Variants in KLF10 observed in about 807,000 individuals in gnomAD.
KLF10 encodes the protein KLF transcription factor 10, also known as Krueppel-like factor 10.
A neutral mutation model predicts 31.6 loss-of-function variants in KLF10; 17 were observed. That is an observed-to-expected ratio of 0.54 (90% confidence interval 0.37 to 0.81). KLF10 has a LOEUF of 0.81. KLF10 is among the 30% of genes least tolerant of loss of function. The pLI is 0.00. For missense variants in KLF10, 525 were observed against 598.1 expected, an observed-to-expected ratio of 0.88 and a Z score of 1.27; for synonymous variants, 239 against 215.1, an observed-to-expected ratio of 1.11 and a Z score of -0.97.
In KLF10 at chr8:102,651,471, T is replaced by C. The variant is rs749003074; in HGVS notation, c.861A>G (p.Thr287=). Reference sequence around the variant, plus strand: ...TGGGAGGAGTGCTGGGAACGACTGTTGTCACAACAGGGTTGTTGGCAGGAA... The same window carrying C: ...TGGGAGGAGTGCTGGGAACGACTGTCGTCACAACAGGGTTGTTGGCAGGAA... ...VPLPANNPVV[T]TVVPSTPPSQ... The change falls in exon 3 of 4, where the codon ACA becomes ACG. Residue 287 remains threonine, a synonymous_variant. Coordinates refer to ENST00000285407, the MANE Select transcript of KLF10 (RefSeq NM_005655.4). 1.4e-4 allele frequency: 219 copies of C among 1,613,804 alleles called. No individual in the cohort carries two copies. Among genetic ancestry groups the C allele is most frequent in the Admixed American group, 4.7e-4 (28 of 59,990 alleles).
chr8:102,655,143 C>A (rs931051378), intron 1 of KLF10, among the ~76,000 whole-genome samples: 2 of 152,244 alleles, frequency 1.3e-5, no homozygotes, highest in East Asian at 1.9e-4. Flanking sequence ...CCAGACCGGG[C>A]ATCTCTCCTC....
Position 102,651,585 on chromosome 8 carries a change from G to C in KLF10, c.747C>G (p.Ser249=), listed in dbSNP as rs1292078697. The C allele has an allele frequency of 2.5e-6, 4 of 1,614,168 alleles. No homozygotes were observed. The East Asian group carries it at 6.7e-5, about 27-fold the overall frequency. ...VICRSQPAPV[S]PQQKSVLVSP... ...AGACCAACACTGACTTCTGTTGTGG[G>C]GACACAGGGGCTGGCTGAGACCTGC... Residue 249 remains serine (S), a synonymous_variant, in exon 3 of 4, where the codon TCC becomes TCG. Transcript: ENST00000285407.
chr8:102,652,358 T>C lies in KLF10; in HGVS notation c.76A>G (p.Ser26Gly). ...GCAGTTTTGTTCCAGGAATACATAC[T>C]CTCTTTTGGCCTTTCAGAAATCATT... ...MEMISERPKE[S>G]MYSWNKTAEK... The change falls in exon 2 of 4, where the codon AGT becomes GGT. Residue 26 changes from serine to glycine, a missense_variant. Physicochemically the swap from Ser to Gly is moderately conservative, Grantham distance 56. This residue lies in a region of KLF10 where 434 missense variants were observed against 450.7 expected (regional missense o/e 0.96). Coordinates refer to ENST00000285407, the MANE Select transcript of KLF10 (RefSeq NM_005655.4). 6.2e-7 allele frequency: 1 copy of C among 1,609,906 alleles called. No individual in the cohort carries two copies.
intron 2 of KLF10, 44 bp downstream of exon 2, chr8:102,652,119 AG>A: frequency 6.8e-7 from 1 of 1,479,876 alleles, no homozygotes. Context: ...ATAAATTTTA[AG>A]AAATTATATA....
rs1827217954 is a variant in KLF10, at chr8:102,651,739, T to C, written c.593A>G (p.Lys198Arg). 2 of 1,614,248 alleles carry C rather than the reference T, an allele frequency of 1.2e-6. No individual in the cohort carries two copies. Among genetic ancestry groups the C allele is most frequent in the Non-Finnish European group, 1.7e-6 (2 of 1,180,040 alleles). Reference protein sequence around the residue: ...RTHLNVEAARKNIPCAAVSPN... With the variant: ...RTHLNVEAARRNIPCAAVSPN... ...TGACACAGCGGCACATGGTATGTTC[T>C]TTCTTGCAGCCTCAACATTTAGGTG... Residue 198 changes from lysine to arginine, a missense_variant, in exon 3 of 4, where the codon AAG becomes AGG. By Grantham distance (26) the Lys-to-Arg change is conservative. Transcript: ENST00000285407.
At chr8:102,653,897 G>C (rs1827286557) in intron 1 of KLF10, 4 of 977,238 alleles carry the variant, frequency 4.1e-6, no homozygotes, top group East Asian at 1.1e-4. Context: ...CAGACGAGGG[G>C]CGGGGGCGGA....
chr8:102,655,701 C>T lies in KLF10; in HGVS notation c.-100G>A. Reference sequence around the variant, plus strand: ...CGGAGACACTCGACGCCGCTCCCGCCGCCGCCGCGCTCAGCGCCGTCTGCC... The same window carrying T: ...CGGAGACACTCGACGCCGCTCCCGCTGCCGCCGCGCTCAGCGCCGTCTGCC... On this transcript the variant is annotated 5_prime_UTR_variant, in exon 1 of 4. Transcript: ENST00000285407. The T allele has an allele frequency of 1.2e-5, 17 of 1,380,862 alleles. No homozygotes were observed. The highest frequency in any genetic ancestry group is 1.6e-5 in the Non-Finnish European group (16 of 989,020). 85.5% of individuals were successfully genotyped at this position (1,380,862 alleles called of 1,614,324 possible). A position where few individuals can be genotyped will look rare whatever the true frequency, so the allele number is the denominator to read the frequency against.
chr8:102,655,313 C>T (rs1827338097), intron 1 of KLF10, among the ~76,000 whole-genome samples: 1 of 152,080 alleles, frequency 6.6e-6, no homozygotes, highest in Non-Finnish European at 1.5e-5. Flanking sequence ...TTGTCCCTTC[C>T]CCTCAGTACA....
At position 102,653,403 on chromosome 8, in the gene KLF10, G is replaced by A. The variant is rs368521802; in HGVS notation, c.37-1006C>T. 1,213 of 1,342,508 alleles carry A rather than the reference G, an allele frequency of 9.0e-4. 17 individuals are homozygous for A. The highest frequency in any genetic ancestry group is 1.5e-4 in the Non-Finnish European group (152 of 997,014). The allele number at this position is 1,342,508 out of a possible 1,614,324, so 83.2% of individuals were successfully genotyped here. A position where few individuals can be genotyped will look rare whatever the true frequency, so the allele number is the denominator to read the frequency against. ...AACAGCACAGGTTTTGCACTTATTTGTAGAACTACCTAATGTTTTATAGTA... is the reference window on the plus strand; with the variant it reads ...AACAGCACAGGTTTTGCACTTATTTATAGAACTACCTAATGTTTTATAGTA... On this transcript the variant is annotated intron_variant, in intron 1 of 3. Coordinates refer to ENST00000285407, the MANE Select transcript of KLF10 (RefSeq NM_005655.4).
intron 1 of KLF10, among the ~76,000 whole-genome samples, chr8:102,653,194 G>A (rs1313169264): frequency 2.0e-5 from 3 of 152,026 alleles, no homozygotes; most frequent in African/African-American, 4.8e-5. Context: ...CCCTTTTACT[G>A]AATCTATTTG....
chr8:102,654,296 G>C (rs1005323576), intron 1 of KLF10: 3 of 146,820 alleles, frequency 2.0e-5, no homozygotes, highest in African/African-American at 7.3e-5. Context: ...CCCGCGGGGA[G>C]GGGCGGGGCT....
Position 102,655,641 on chromosome 8 carries a change from C to G in KLF10, c.-40G>C. 1.2e-6 allele frequency: 2 copies of G among 1,611,808 alleles called. No homozygotes were observed. Among genetic ancestry groups the G allele is most frequent in the Non-Finnish European group, 1.7e-6 (2 of 1,178,876 alleles). On this transcript the variant is annotated 5_prime_UTR_variant, in exon 1 of 4. Transcript: ENST00000285407. ...CCGCCGGCGGCAAGCTGACTGGCTGCTAGGCTGCTGGCTGCTTGGCCACAG... is the reference window on the plus strand; with the variant it reads ...CCGCCGGCGGCAAGCTGACTGGCTGGTAGGCTGCTGGCTGCTTGGCCACAG...
In KLF10 at chr8:102,651,342, C is replaced by A; in HGVS notation, c.990G>T (p.Lys330Asn). The change falls in exon 3 of 4, where the codon AAG becomes AAT. Residue 330 changes from lysine (K) to asparagine (N), a missense_variant. Physicochemically the swap from Lys to Asn is moderately conservative, Grantham distance 94. Coordinates refer to ENST00000285407, the MANE Select transcript of KLF10 (RefSeq NM_005655.4). ...TGCCATTCGGGCTCACCACCGGAGG[C>A]TTTGAACTCTGCACAACGGGCTGGG... ...VVPQPVVQSS[K>N]PPVVSPNGTR... The A allele has an allele frequency of 6.3e-7, 1 of 1,597,478 alleles. No individual in the cohort carries two copies. The highest frequency in any genetic ancestry group is 8.5e-7 in the Non-Finnish European group (1 of 1,171,036).
In KLF10 at chr8:102,655,590, G is replaced by T. The variant is rs767374360; in HGVS notation, c.12C>A (p.Phe4Leu). The stretch of plus-strand genomic sequence containing the variant: ...CCGCAGTCTGCTGGAGAGAGGCACC[G>T]AAGTTGAGCATGGTTGGCTGCTTGG... The part of the protein sequence containing the change: MLN[F>L]GASLQQTAEE... The change falls in exon 1 of 4, where the codon TTC (phenylalanine) becomes TTA (leucine). Residue 4 changes from phenylalanine (F) to leucine (L), a missense_variant. Phe to Leu is a conservative substitution (Grantham distance 22). Coordinates refer to ENST00000285407, the MANE Select transcript of KLF10 (RefSeq NM_005655.4). 1 of 1,614,184 alleles carries T rather than the reference G, an allele frequency of 6.2e-7. No homozygotes were observed. The highest frequency in any genetic ancestry group is 8.5e-7 in the Non-Finnish European group (1 of 1,180,012).
At chr8:102,653,541 A>G (rs992422593) in intron 1 of KLF10, 34 of 1,492,306 alleles carry the variant, frequency 2.3e-5, no homozygotes, top group Middle Eastern at 1.7e-4. Context: ...GTGTAAAAAT[A>G]CCAAAAAACA....
Position 102,649,453 on chromosome 8 carries a change from A to C in KLF10, c.*679T>G, listed in dbSNP as rs1827154547. 6.6e-6 allele frequency: 1 copy of C among 152,332 alleles called. No homozygotes were observed. Among genetic ancestry groups the C allele is most frequent in the East Asian group, 1.9e-4 (1 of 5,204 alleles). 9.4% of individuals were successfully genotyped at this position (152,332 alleles called of 1,614,324 possible). On this transcript the variant is annotated 3_prime_UTR_variant, in exon 4 of 4. Coordinates refer to ENST00000285407, the MANE Select transcript of KLF10 (RefSeq NM_005655.4). ...GATACAGTCATTTGTTAAACTTTCA[A>C]AACAAAAATGCAAAAACAAATTGTA...
chr8:102,652,289 T>G lies in KLF10; in HGVS notation c.145A>C (p.Ser49Arg). 1 of 1,613,464 alleles carries G rather than the reference T, an allele frequency of 6.2e-7. No individual in the cohort carries two copies. Among genetic ancestry groups the G allele is most frequent in the Admixed American group, 1.7e-5 (1 of 60,004 alleles). The change falls in exon 2 of 4, where the codon AGC becomes CGC. Residue 49 changes from serine to arginine, a missense_variant. Coordinates refer to ENST00000285407, the MANE Select transcript of KLF10 (RefSeq NM_005655.4). ...TTAAAATCAGACTTCCAACTGCAGC[T>G]CATTGACATAAGTGCTTCTACAGCT... The part of the protein sequence containing the change: ...FEAVEALMSM[S>R]CSWKSDFKKY...
At chr8:102,655,297 G>A (rs1169835940) in intron 1 of KLF10, among the ~76,000 whole-genome samples, 1 of 151,448 alleles carries the variant, frequency 6.6e-6, no homozygotes, top group Non-Finnish European at 1.5e-5. Context: ...GGGTCTCCAT[G>A]CGGAGTTGTC....
chr8:102,651,719 C>A lies in KLF10; in HGVS notation c.613G>T (p.Val205Leu). ...TCACATTTGGATCTGTTTGGTGACACAGCGGCACATGGTATGTTCTTTCTT... is the reference window on the plus strand; with the variant it reads ...TCACATTTGGATCTGTTTGGTGACAAAGCGGCACATGGTATGTTCTTTCTT... ...AARKNIPCAAVSPNRSKCERN... is the reference protein window; with the variant it reads ...AARKNIPCAALSPNRSKCERN... Residue 205 changes from valine (V) to leucine (L), a missense_variant, in exon 3 of 4, where the codon GTG (valine) becomes TTG (leucine). Physicochemically the swap from Val to Leu is conservative, Grantham distance 32 (BLOSUM62 1). Coordinates refer to ENST00000285407, the MANE Select transcript of KLF10 (RefSeq NM_005655.4). The A allele has an allele frequency of 6.2e-7, 1 of 1,614,244 alleles. No individual in the cohort carries two copies. The highest frequency in any genetic ancestry group is 8.5e-7 in the Non-Finnish European group (1 of 1,180,048).
Sources: gnomAD v4.1 joint callset for allele counts (sites outside exome capture counted in the v4.1 genomes callset) on GRCh38, gnomAD v4.1.1 for gene constraint, gnomAD v4.1.1 regional missense constraint, MANE v1.5 for transcripts, NCBI Gene and HGNC (gene_info 2026-07-23, HGNC 2026-07-21) for gene names.